Variants in HSDL2 observed in about 807,000 individuals in gnomAD.
HSDL2 encodes the protein hydroxysteroid dehydrogenase like 2.
In HSDL2, 27 loss-of-function variants were observed where a neutral mutation model predicts 46.3. The observed-to-expected ratio is 0.58, with a 90% confidence interval of 0.43 to 0.80. HSDL2 has a LOEUF of 0.80. Ranked by LOEUF, HSDL2 falls within the 30% of genes least tolerant of loss-of-function variation. The probability of loss-of-function intolerance (pLI) is 0.00; values close to 1 mark genes in which losing one functional copy is unlikely to be tolerated. For synonymous variants in HSDL2, 153 were observed against 163.6 expected (o/e 0.94, Z 0.50); for missense variants, 451 against 502.7 (o/e 0.90, Z 0.98).
At chr9:112,464,483 T>C (rs1461481703) in intron 10 of HSDL2, among the ~76,000 whole-genome samples, 4 of 152,232 alleles carry the variant, frequency 2.6e-5, no homozygotes, top group African/African-American at 7.2e-5. Flanking sequence ...AATATTTTCT[T>C]TTTTACCGTT....
intron 8 of HSDL2, among the ~76,000 whole-genome samples, chr9:112,444,842 T>G (rs2132678711): frequency 6.6e-6 from 1 of 150,910 alleles, no homozygotes; most frequent in South Asian, 2.1e-4. Flanking sequence ...TTGTTTTTTT[T>G]TTTTTTTTTT....
At chr9:112,430,491 C>A (rs990201069) in intron 6 of HSDL2, among the ~76,000 whole-genome samples, 1 of 152,084 alleles carries the variant, frequency 6.6e-6, no homozygotes, top group African/African-American at 2.4e-5. Context: ...GGTTTTCAAG[C>A]AGAGAAGGGA....
intron 1 of HSDL2, among the ~76,000 whole-genome samples, chr9:112,392,813 G>A (rs1031878193): frequency 1.3e-5 from 2 of 152,174 alleles, no homozygotes; most frequent in African/African-American, 2.4e-5. Flanking sequence ...CTGAGGTGAC[G>A]TACATCCTCA....
chr9:112,402,975 A>C (rs537824384), intron 1 of HSDL2, among the ~76,000 whole-genome samples: 3 of 151,728 alleles, frequency 2.0e-5, no homozygotes, highest in Non-Finnish European at 4.4e-5. Context: ...ACACACACAA[A>C]ACACACACAC....
intron 6 of HSDL2, among the ~76,000 whole-genome samples, chr9:112,436,096 AG>A (rs1184321637): frequency 6.6e-6 from 1 of 151,384 alleles, no homozygotes; most frequent in East Asian, 1.9e-4. Flanking sequence ...GAAACATAGC[AG>A]GACCCCATTT....
intron 6 of HSDL2, among the ~76,000 whole-genome samples, chr9:112,433,230 C>T (rs1007841956): frequency 6.6e-6 from 1 of 152,136 alleles, no homozygotes; most frequent in Non-Finnish European, 1.5e-5. Context: ...GGGAGCGACG[C>T]ATGCAAAGAT....
chr9:112,386,740 G>A (rs1445131446), intron 1 of HSDL2, among the ~76,000 whole-genome samples: 1 of 152,206 alleles, frequency 6.6e-6, no homozygotes, highest in East Asian at 1.9e-4. Flanking sequence ...CTGTGATTGT[G>A]CCATTGCACA....
chr9:112,467,465 G>GA (rs1332229567), intron 10 of HSDL2, among the ~76,000 whole-genome samples: 6 of 152,168 alleles, frequency 3.9e-5, no homozygotes, highest in Non-Finnish European at 7.3e-5. Flanking sequence ...GAAAATGGTT[G>GA]AAACTAGATA....
intron 1 of HSDL2, among the ~76,000 whole-genome samples, chr9:112,400,079 C>G (rs548853015): frequency 1.6e-4 from 25 of 152,314 alleles, no homozygotes; most frequent in Non-Finnish European, 3.1e-4. Flanking sequence ...CTGGTCCCTC[C>G]GTTCGGGGTC....
At chr9:112,428,128 C>T (rs772553565) in intron 6 of HSDL2, among the ~76,000 whole-genome samples, 8 of 151,856 alleles carry the variant, frequency 5.3e-5, no homozygotes, top group Non-Finnish European at 1.0e-4. Flanking sequence ...GTGGTGTAGA[C>T]GATGGGAAAC....
chr9:112,397,392 C>T (rs1227796664), intron 1 of HSDL2, among the ~76,000 whole-genome samples: 1 of 152,186 alleles, frequency 6.6e-6, no homozygotes, highest in Non-Finnish European at 1.5e-5. Flanking sequence ...TGCTAACATA[C>T]AAAGGAGAAT....
intron 9 of HSDL2, among the ~76,000 whole-genome samples, chr9:112,455,939 C>T (rs1022554890): frequency 6.6e-6 from 1 of 152,170 alleles, no homozygotes; most frequent in Non-Finnish European, 1.5e-5. Flanking sequence ...AATGTCTATA[C>T]CAAGTACCTG....
At chr9:112,430,352 G>T (rs1451602073) in intron 6 of HSDL2, among the ~76,000 whole-genome samples, 1 of 152,188 alleles carries the variant, frequency 6.6e-6, no homozygotes, top group East Asian at 1.9e-4. Context: ...GAGAAGACCA[G>T]TGTCGCCAGA....
At chr9:112,388,416 G>A (rs561511699) in intron 1 of HSDL2, among the ~76,000 whole-genome samples, 14 of 145,952 alleles carry the variant, frequency 9.6e-5, no homozygotes, top group African/African-American at 3.1e-4. Flanking sequence ...AGCCGAGATC[G>A]CGCCACTGCA....
At chr9:112,438,114 C>T (rs1285012426) in intron 6 of HSDL2, among the ~76,000 whole-genome samples, 1 of 152,040 alleles carries the variant, frequency 6.6e-6, no homozygotes, top group Non-Finnish European at 1.5e-5. Context: ...TGGTGGCGCA[C>T]GCCTGTAATC....
chr9:112,454,269 T>C, intron 9 of HSDL2, 107 bp downstream of exon 9: 1 of 800,916 alleles, frequency 1.2e-6, no homozygotes, highest in Non-Finnish European at 2.0e-6. Flanking sequence ...TTGGCTGCAT[T>C]CAAGACCCTT....
At chr9:112,391,829 C>T (rs1208362535) in intron 1 of HSDL2, among the ~76,000 whole-genome samples, 1 of 148,420 alleles carries the variant, frequency 6.7e-6, no homozygotes, top group African/African-American at 2.5e-5. Flanking sequence ...CACTTGAACC[C>T]AGGAGGTGGA....
intron 1 of HSDL2, among the ~76,000 whole-genome samples, chr9:112,389,994 G>A (rs1319902026): frequency 6.6e-6 from 1 of 151,780 alleles, no homozygotes; most frequent in Non-Finnish European, 1.5e-5. Flanking sequence ...GAACCCAGGA[G>A]GCTGAGGTTG....
At chr9:112,419,076 TTGGC>T in intron 6 of HSDL2, 118 bp downstream of exon 6, 34 of 481,756 alleles carry the variant, frequency 7.1e-5, no homozygotes, top group South Asian at 1.3e-4. Flanking sequence ...TGGTGTGATC[TTGGC>T]TCACTGCAAC....
Sources: gnomAD v4.1 joint callset for allele counts (sites outside exome capture counted in the v4.1 genomes callset) on GRCh38, gnomAD v4.1.1 for gene constraint, MANE v1.5 for transcripts, NCBI Gene and HGNC (gene_info 2026-07-23, HGNC 2026-07-21) for gene names.